Variants in CRNKL1 observed in about 807,000 individuals in gnomAD.
CRNKL1 encodes crooked neck pre-mRNA splicing factor 1, also known as crooked neck-like protein 1.
A neutral mutation model predicts 103.7 loss-of-function variants in CRNKL1; 35 were observed. That is an observed-to-expected ratio of 0.34 (90% confidence interval 0.26 to 0.45). The LOEUF (loss-of-function observed/expected upper bound fraction) is 0.45, where lower values mean the gene tolerates loss of function less well. Among genes scored for constraint, CRNKL1 ranks in the 20% least tolerant of loss-of-function variants. The pLI is 1.00. For missense variants in CRNKL1, 645 were observed against 836.0 expected, an observed-to-expected ratio of 0.77 and a Z score of 2.82; for synonymous variants, 267 against 282.6, an observed-to-expected ratio of 0.94 and a Z score of 0.55.
chr20:20,040,735 G>A lies in CRNKL1; in HGVS notation c.1256C>T (p.Ala419Val). Residue 419 changes from alanine to valine, a missense_variant, in exon 10 of 14, where the codon GCA becomes GTA. Around this residue, in one of 2 missense-constraint regions of CRNKL1, gnomAD observed 582 missense variants for 707.7 expected, o/e 0.82. Transcript: ENST00000536226. ...ATTCTTCTGTCGTATTTCAAACTGT[G>A]CATACAGTATCCACATTTTGGCAAA... ...FTFAKMWILY[A>V]QFEIRQKNLS... The A allele has an allele frequency of 1.2e-6, 2 of 1,611,382 alleles. No homozygotes were observed. The highest frequency in any genetic ancestry group is 1.7e-6 in the Non-Finnish European group (2 of 1,179,504).
chr20:20,054,462 CTT>C (rs2044122708), upstream of CRNKL1, among the ~76,000 whole-genome samples: 1 of 151,878 alleles, frequency 6.6e-6, no homozygotes, highest in South Asian at 2.1e-4. Flanking sequence ...TTACATTAAA[CTT>C]TATATGTAGT....
Position 20,047,866 on chromosome 20 carries a change from C to A in CRNKL1, c.521G>T (p.Arg174Leu), listed in dbSNP as rs200971188. The change falls in exon 5 of 14, where the codon CGC becomes CTC. Residue 174 changes from arginine (R) to leucine (L), a missense_variant. This residue lies in a region of CRNKL1 where 582 missense variants were observed against 707.7 expected (regional missense o/e 0.82). Transcript: ENST00000536226. ...CTCCTCAGGCTGCCACTCCATCCAG[C>A]GCTCAAACACCTGCCGGGCACCGGC... Reference protein sequence around the residue: ...NVAGARQVFERWMEWQPEEQA... With the variant: ...NVAGARQVFELWMEWQPEEQA... 3 of 1,614,250 alleles carry A rather than the reference C, an allele frequency of 1.9e-6. No individual in the cohort carries two copies. Among genetic ancestry groups the A allele is most frequent in the South Asian group, 1.1e-5 (1 of 91,088 alleles).
intron 12 of CRNKL1, 58 bp from the exon 13 acceptor site, chr20:20,037,629 TAGTAATAATAA>T: frequency 6.5e-7 from 1 of 1,528,824 alleles, no homozygotes; most frequent in Non-Finnish European, 8.9e-7. Flanking sequence ...GATAATAATG[TAGTAATAATAA>T]AGCGAATTCC....
At chr20:20,043,781 C>T in intron 6 of CRNKL1, 119 bp from the exon 7 acceptor site, 2 of 885,036 alleles carry the variant, frequency 2.3e-6, no homozygotes, top group East Asian at 2.7e-5. Flanking sequence ...TCATAATATC[C>T]AGAGTAAGAT....
intron 7 of CRNKL1, among the ~76,000 whole-genome samples, chr20:20,042,923 G>T (rs1199357294): frequency 6.6e-6 from 1 of 152,112 alleles, no homozygotes; most frequent in Non-Finnish European, 1.5e-5. Flanking sequence ...AACATATCTT[G>T]CTAACCTACC....
rs763106867 is a variant in CRNKL1 at position 20,048,308 on chromosome 20, C to T, written c.455+35G>A. The T allele has an allele frequency of 2.9e-5, 46 of 1,608,804 alleles. No individual in the cohort carries two copies. In the South Asian group the frequency reaches 4.0e-4, roughly 14 times the overall value. On this transcript the variant is annotated intron_variant, in intron 4 of 13. Coordinates refer to ENST00000536226, the MANE Select transcript of CRNKL1 (RefSeq NM_001278628.2). ...ACAGAAGATGTGGAACTTTGCTAGT[C>T]TATAAAAGGCTGTTTTGTTAGATCA...
rs942764523 is a variant in CRNKL1 at position 20,035,493 on chromosome 20, T to C, written c.*702A>G. 50 of 152,232 alleles carry C rather than the reference T, an allele frequency of 3.3e-4. No homozygotes were observed. Among genetic ancestry groups the C allele is most frequent in the African/African-American group, 1.2e-3 (49 of 41,458 alleles). 9.4% of individuals were successfully genotyped at this position (152,232 alleles called of 1,614,324 possible). A position where few individuals can be genotyped will look rare whatever the true frequency, so the allele number is the denominator to read the frequency against. On this transcript the variant is annotated 3_prime_UTR_variant, in exon 14 of 14. Coordinates refer to ENST00000536226, the MANE Select transcript of CRNKL1 (RefSeq NM_001278628.2). ...TAACTGAAATTATTAGACTAAATTC[T>C]TAGTAAACAATGTTTTCTGAACCTT...
At chr20:20,048,988 G>C (rs1202784768) in intron 3 of CRNKL1, among the ~76,000 whole-genome samples, 1 of 152,014 alleles carries the variant, frequency 6.6e-6, no homozygotes, top group Admixed American at 6.6e-5. Flanking sequence ...ACCACAGGAA[G>C]GGCCAGATTG....
chr20:20,052,145 G>A, intron 1 of CRNKL1, 147 bp downstream of exon 1: 1 of 734,458 alleles, frequency 1.4e-6, no homozygotes, highest in East Asian at 2.7e-5. Flanking sequence ...AAGAGCCCGC[G>A]CCCCACCACC....
chr20:20,053,851 G>T (rs6046575), upstream of CRNKL1, among the ~76,000 whole-genome samples: 2 of 152,106 alleles, frequency 1.3e-5, no homozygotes, highest in East Asian at 3.9e-4. Context: ...ATGTGTTACT[G>T]TAAACAATTG....
chr20:20,037,488 A>G lies in CRNKL1; in HGVS notation c.1731T>C (p.Ala577=). ...CTTCACAGTTTCGCATGGTTTTGTT[A>G]GCTTCTTCATAAATTTGTCTGCATT... ...LTKCRQIYEE[A]NKTMRNCEEK... Residue 577 remains alanine (A), a synonymous_variant, in exon 13 of 14, where the codon GCT becomes GCC. Coordinates refer to ENST00000536226, the MANE Select transcript of CRNKL1 (RefSeq NM_001278628.2). 1 of 1,614,178 alleles carries G rather than the reference A, an allele frequency of 6.2e-7. No homozygotes were observed. Among genetic ancestry groups the G allele is most frequent in the East Asian group, 2.2e-5 (1 of 44,880 alleles).
In CRNKL1 at chr20:20,036,017, T is replaced by C; in HGVS notation, c.*178A>G. 4.8e-6 allele frequency: 3 copies of C among 623,860 alleles called. No homozygotes were observed. The highest frequency in any genetic ancestry group is 7.8e-6 in the Non-Finnish European group (3 of 383,162). The allele number at this position is 623,860 out of a possible 1,614,324, so 38.6% of individuals were successfully genotyped here. ...AAATCCAGCAGTTAAAAAAGTCCTT[T>C]ACTTGCAATCCCTACCCCTAGCTAA... On this transcript the variant is annotated 3_prime_UTR_variant, in exon 14 of 14. Transcript: ENST00000536226.
rs146345717 is a variant in CRNKL1, at chr20:20,034,548, T to TAAACAAAC, written c.*1646_*1647insGTTTGTTT. 6.6e-6 allele frequency: 1 copy of TAAACAAAC among 151,810 alleles called. No individual in the cohort carries two copies. The highest frequency in any genetic ancestry group is 1.5e-5 in the Non-Finnish European group (1 of 67,884). 9.4% of individuals were successfully genotyped at this position (151,810 alleles called of 1,614,324 possible). A position where few individuals can be genotyped will look rare whatever the true frequency, so the allele number is the denominator to read the frequency against. On this transcript the variant is annotated 3_prime_UTR_variant, in exon 14 of 14. Transcript: ENST00000536226. ...TTTTTTCTTATGCATTCATGCAACA[T>TAAACAAAC]AAACAGATAATTCTAGGAAGACTGT...
At chr20:20,037,664 C>A in intron 12 of CRNKL1, 93 bp from the exon 13 acceptor site, 2 of 1,239,028 alleles carry the variant, frequency 1.6e-6, no homozygotes, top group South Asian at 1.5e-5. Flanking sequence ...TTAATGACAT[C>A]GGAAAGTAAT....
At chr20:20,046,350 A>C (rs16981473) in intron 5 of CRNKL1, among the ~76,000 whole-genome samples, 2,980 of 152,328 alleles carry the variant, frequency 0.02, 48 homozygotes, top group Non-Finnish European at 0.027. Flanking sequence ...AAGTGCTATA[A>C]AAGCTTTCGT....
Position 20,050,386 on chromosome 20 carries a change from C to T in CRNKL1, c.204+84G>A, listed in dbSNP as rs1470861084. On this transcript the variant is annotated intron_variant, in intron 2 of 13. Transcript: ENST00000536226. ...AAACACTTAACCTCATCTTGCCCTA[C>T]AGAATCCAACCAATGAGGAGCTTTT... The T allele has an allele frequency of 2.4e-6, 3 of 1,264,814 alleles. No individual in the cohort carries two copies. The Admixed American group carries it at 6.4e-5, about 27-fold the overall frequency. 78.3% of individuals were successfully genotyped at this position (1,264,814 alleles called of 1,614,324 possible). A position where few individuals can be genotyped will look rare whatever the true frequency, so the allele number is the denominator to read the frequency against.
Position 20,048,418 on chromosome 20 carries a change from T to C in CRNKL1, c.380A>G (p.Lys127Arg), listed in dbSNP as rs910998246. 1.2e-6 allele frequency: 2 copies of C among 1,614,236 alleles called. No homozygotes were observed. The highest frequency in any genetic ancestry group is 1.7e-6 in the Non-Finnish European group (2 of 1,180,038). Residue 127 changes from lysine (K) to arginine (R), a missense_variant, in exon 4 of 14, where the codon AAG (lysine) becomes AGG (arginine). Transcript: ENST00000536226. ...LWLKYAEMEM[K>R]NRQVNHARNI... ...TCGAGCATGGTTGACTTGGCGATTC[T>C]TCATTTCCATTTCTGCGTATTTCAG...
chr20:20,050,833 T>C (rs1363004125), intron 1 of CRNKL1, among the ~76,000 whole-genome samples: 1 of 152,072 alleles, frequency 6.6e-6, no homozygotes, highest in East Asian at 1.9e-4. Flanking sequence ...AAGCCATAGG[T>C]AAAAGTCTCA....
chr20:20,045,556 A>C lies in CRNKL1; in HGVS notation c.623-70T>G, dbSNP rs1306800354. 8.7e-6 allele frequency: 12 copies of C among 1,376,812 alleles called. No homozygotes were observed. The East Asian group carries it at 2.6e-4, about 30-fold the overall frequency. The allele number at this position is 1,376,812 out of a possible 1,614,324, so 85.3% of individuals were successfully genotyped here. On this transcript the variant is annotated intron_variant, in intron 5 of 13. Coordinates refer to ENST00000536226, the MANE Select transcript of CRNKL1 (RefSeq NM_001278628.2). ...AAAAAATAGTAAGTAAGTAAACACC[A>C]AAACCATACCAAAGCCTGGAAACTC...
Sources: allele counts gnomAD v4.1 joint callset (sites outside exome capture counted in the v4.1 genomes callset), GRCh38; gene constraint gnomAD v4.1.1; regional missense constraint gnomAD v4.1.1; transcripts MANE v1.5; gene names NCBI Gene and HGNC (gene_info 2026-07-23, HGNC 2026-07-21).